The following CD2AP variants were observed in gnomAD, a reference collection of about 807,000 sequenced individuals.
CD2AP encodes the protein CD2-associated protein.
A neutral mutation model predicts 85.1 loss-of-function variants in CD2AP; 46 were observed. The observed-to-expected ratio is 0.54, with a 90% CI of 0.43 to 0.69. The LOEUF is 0.69. Among genes scored for constraint, CD2AP ranks in the 30% least tolerant of loss-of-function variants. The pLI is 0.00. For missense variants in CD2AP, 769 were observed against 729.5 expected (o/e 1.05, Z -0.62); for synonymous variants, 255 against 252.9 (o/e 1.01, Z -0.08).
At chr6:47,583,285 C>T (rs1459016458) in intron 11 of CD2AP, among the ~76,000 whole-genome samples, 1 of 152,080 alleles carries the variant, frequency 6.6e-6, no homozygotes, top group Non-Finnish European at 1.5e-5. Flanking sequence ...ACTCAAAGTC[C>T]ATAGTTTCCT....
Position 47,506,601 on chromosome 6 carries a change from A to T in CD2AP, c.165+3161A>T, listed in dbSNP as rs977173296. ...GATCACTCGCGGTTAGGGGCTGGAGACCGGCCCGGCCAACACAGCGAAACC... is the reference window on the plus strand; with the variant it reads ...GATCACTCGCGGTTAGGGGCTGGAGTCCGGCCCGGCCAACACAGCGAAACC... On this transcript the variant is annotated intron_variant, in intron 2 of 17. Transcript: ENST00000359314. Among the ~76,000 whole-genome samples the T allele has an allele frequency of 5.4e-5, 6 of 110,846 alleles. 1 individual carries two copies. The highest frequency in any genetic ancestry group is 5.1e-4 in the Admixed American group (6 of 11,760). 72.7% of individuals were successfully genotyped at this position (110,846 alleles called of 152,430 possible). A position where few individuals can be genotyped will look rare whatever the true frequency, so the allele number is the denominator to read the frequency against.
intron 1 of CD2AP, among the ~76,000 whole-genome samples, chr6:47,493,144 G>C (rs184198092): frequency 3.7e-4 from 56 of 152,028 alleles, no homozygotes; most frequent in Non-Finnish European, 7.1e-4. Context: ...AATGTATTTT[G>C]TTTTATCTTC....
At position 47,592,742 on chromosome 6, in the gene CD2AP, T is replaced by C. The variant is rs560281330; in HGVS notation, c.1109-3119T>C. 8.4e-4 allele frequency among the ~76,000 whole-genome samples: 128 copies of C among 152,162 alleles called. 1 individual carries two copies. Among genetic ancestry groups the C allele is most frequent in the Admixed American group, 1.2e-3 (19 of 15,256 alleles). On this transcript the variant is annotated intron_variant, in intron 11 of 17. Coordinates refer to ENST00000359314, the MANE Select transcript of CD2AP (RefSeq NM_012120.3). Reference sequence around the variant, plus strand: ...GAGAGCTCATGGGTTTGTGAACACATTGAGGGGATAGGAAGGTGGTACACC... The same window carrying C: ...GAGAGCTCATGGGTTTGTGAACACACTGAGGGGATAGGAAGGTGGTACACC...
At chr6:47,560,617 C>G (rs186045837) in intron 5 of CD2AP, among the ~76,000 whole-genome samples, 1 of 152,074 alleles carries the variant, frequency 6.6e-6, no homozygotes, top group Admixed American at 6.5e-5. Context: ...ATTTTATTGG[C>G]AGGACTATGG....
intron 2 of CD2AP, 44 bp downstream of exon 2, chr6:47,503,484 T>G (rs1246962606): frequency 1.3e-6 from 2 of 1,483,010 alleles, no homozygotes; most frequent in Non-Finnish European, 1.9e-6. Context: ...TTCATAGGAT[T>G]TAATCTTTAA....
At chr6:47,615,662 G>GC (rs1769557247) in intron 17 of CD2AP, among the ~76,000 whole-genome samples, 1 of 151,956 alleles carries the variant, frequency 6.6e-6, no homozygotes. Flanking sequence ...CTCTCACCTG[G>GC]CCCCACCTCC....
chr6:47,562,743 C>T (rs1271688964), intron 5 of CD2AP: 5 of 839,412 alleles, frequency 6.0e-6, no homozygotes, highest in Non-Finnish European at 1.0e-5. Context: ...CTGGCCAAGC[C>T]TTAGACAAGT....
At chr6:47,585,624 A>G (rs954235584) in intron 11 of CD2AP, among the ~76,000 whole-genome samples, 1 of 152,100 alleles carries the variant, frequency 6.6e-6, no homozygotes, top group Non-Finnish European at 1.5e-5. Flanking sequence ...GGGCAGCTAC[A>G]ATTTGTGGGG....
chr6:47,590,484 A>G (rs1321060495), intron 11 of CD2AP, among the ~76,000 whole-genome samples: 1 of 152,166 alleles, frequency 6.6e-6, no homozygotes, highest in Non-Finnish European at 1.5e-5. Context: ...CTCTTGAACA[A>G]CATGAGTTTG....
intron 1 of CD2AP, among the ~76,000 whole-genome samples, chr6:47,483,229 A>G (rs1765488012): frequency 6.6e-6 from 1 of 152,188 alleles, no homozygotes; most frequent in African/African-American, 2.4e-5. Context: ...GTCTTTCTAG[A>G]TGGGGGAGGC....
At chr6:47,617,449 T>A (rs1347279389) in intron 17 of CD2AP, among the ~76,000 whole-genome samples, 1 of 152,176 alleles carries the variant, frequency 6.6e-6, no homozygotes, top group African/African-American at 2.4e-5. Flanking sequence ...TGGCTATTAG[T>A]CCCCCTTGGA....
chr6:47,545,538 A>G (rs1479357430), intron 4 of CD2AP, among the ~76,000 whole-genome samples: 2 of 152,192 alleles, frequency 1.3e-5, no homozygotes, highest in East Asian at 1.9e-4. Context: ...CCAGCAGGAG[A>G]CCAACCAGCA....
At position 47,612,367 on chromosome 6, in the gene CD2AP, A is replaced by ATTT; in HGVS notation, c.1815-106_1815-105insTTT. The ATTT allele has an allele frequency of 5.4e-6, 4 of 743,004 alleles. No individual in the cohort carries two copies. In the South Asian group the frequency reaches 6.3e-5, roughly 12 times the overall value. 46.0% of individuals were successfully genotyped at this position (743,004 alleles called of 1,614,324 possible). ...ATTAACATTGCTATTGCCCTTAAAA[A>ATTT]GTTTTTCCCATGAACTGGTAGGTTA... On this transcript the variant is annotated intron_variant, in intron 16 of 17. Transcript: ENST00000359314.
At chr6:47,495,445 T>A (rs1158306733) in intron 1 of CD2AP, among the ~76,000 whole-genome samples, 1 of 152,144 alleles carries the variant, frequency 6.6e-6, no homozygotes, top group African/African-American at 2.4e-5. Context: ...GATACCTTGA[T>A]TTTGCCCTCT....
At chr6:47,539,647 C>A (rs1325358728) in intron 3 of CD2AP, among the ~76,000 whole-genome samples, 1 of 151,874 alleles carries the variant, frequency 6.6e-6, no homozygotes, top group Non-Finnish European at 1.5e-5. Context: ...TTTTTATTTC[C>A]TTTTTTTCTC....
rs201146918 is a variant in CD2AP at position 47,513,542 on chromosome 6, G to GT, written c.165+10111dup. Among the ~76,000 whole-genome samples the GT allele has an allele frequency of 4.4e-4, 66 of 149,856 alleles. No homozygotes were observed. In the South Asian group the frequency reaches 6.8e-3, roughly 15 times the overall value. The stretch of plus-strand genomic sequence containing the variant: ...TTCACATAATAAGTGGTATTTTAGT[G>GT]TTTTTTTTTCTCCCAGAATGCATGG... On this transcript the variant is annotated intron_variant, in intron 2 of 17. Transcript: ENST00000359314.
chr6:47,545,406 C>G (rs1330718652), intron 4 of CD2AP, among the ~76,000 whole-genome samples: 1 of 152,050 alleles, frequency 6.6e-6, no homozygotes, highest in African/African-American at 2.4e-5. Flanking sequence ...CCTAATGGTC[C>G]TTTCCTACCC....
chr6:47,568,116 C>A (rs1234878065), intron 5 of CD2AP, among the ~76,000 whole-genome samples: 1 of 152,142 alleles, frequency 6.6e-6, no homozygotes, highest in Admixed American at 6.5e-5. Context: ...GAGGAGCCAA[C>A]TGCTACCAGG....
At chr6:47,567,878 C>T (rs957408321) in intron 5 of CD2AP, among the ~76,000 whole-genome samples, 1 of 152,118 alleles carries the variant, frequency 6.6e-6, no homozygotes, top group Non-Finnish European at 1.5e-5. Flanking sequence ...GATTGTTTTT[C>T]AGATAAATTG....
Sources: gnomAD v4.1 joint callset for allele counts (sites outside exome capture counted in the v4.1 genomes callset) on GRCh38, gnomAD v4.1.1 for gene constraint, MANE v1.5 for transcripts, NCBI Gene and HGNC (gene_info 2026-07-23, HGNC 2026-07-21) for gene names.